CTSO: variants seen among roughly 807,000 people sequenced by gnomAD.
CTSO encodes cathepsin O.
CTSO carries 40 observed loss-of-function variants against 42.4 expected under a neutral mutation model. The observed-to-expected ratio is 0.94, with a 90% CI of 0.73 to 1.23. The LOEUF is 1.23. Among genes scored for constraint, CTSO ranks in the 50% most tolerant of loss-of-function variants. The probability of loss-of-function intolerance (pLI) is 0.00; values close to 1 mark genes in which losing one functional copy is unlikely to be tolerated. For synonymous variants in CTSO, 156 were observed against 146.2 expected (o/e 1.07, Z -0.48); for missense variants, 441 against 396.0 (o/e 1.11, Z -0.96).
intron 5 of CTSO, among the ~76,000 whole-genome samples, chr4:155,931,977 T>C (rs763422878): frequency 1.3e-5 from 2 of 152,028 alleles, no homozygotes; most frequent in Non-Finnish European, 2.9e-5. Context: ...TGGATTTTCA[T>C]CTCATCTTCC....
Position 155,953,842 on chromosome 4 carries a change from G to T in CTSO, c.6C>A (p.Asp2Glu), listed in dbSNP as rs1158694877. 1.6e-6 allele frequency: 2 copies of T among 1,285,056 alleles called. No individual in the cohort carries two copies. The highest frequency in any genetic ancestry group is 1.5e-5 in the African/African-American group (1 of 64,750). 79.6% of individuals were successfully genotyped at this position (1,285,056 alleles called of 1,614,324 possible). M[D>E]VRALPWLPWL... ...ACGGCAGCCACGGCAGCGCCCGCAC[G>T]TCCATTGCGGCGCCCGGCTCCTCTG... The change falls in exon 1 of 8, where the codon GAC becomes GAA. Residue 2 changes from aspartate to glutamate, a missense_variant. Physicochemically the swap from Asp to Glu is conservative, Grantham distance 45 (BLOSUM62 2). Coordinates refer to ENST00000433477, the MANE Select transcript of CTSO (RefSeq NM_001334.3).
chr4:155,953,618 C>G, intron 1 of CTSO, 95 bp downstream of exon 1: 1 of 1,218,184 alleles, frequency 8.2e-7, no homozygotes, highest in Non-Finnish European at 1.0e-6. Flanking sequence ...TGCCCACGAG[C>G]AGGGTCAGCT....
At chr4:155,946,047 A>C (rs886219930) in intron 1 of CTSO, among the ~76,000 whole-genome samples, 1 of 152,074 alleles carries the variant, frequency 6.6e-6, no homozygotes, top group African/African-American at 2.4e-5. Context: ...TGGATTTTAG[A>C]CTCTTGAGTG....
chr4:155,938,034 T>G (rs1022408513), intron 4 of CTSO, among the ~76,000 whole-genome samples: 1 of 152,164 alleles, frequency 6.6e-6, no homozygotes, highest in Non-Finnish European at 1.5e-5. Flanking sequence ...ACAGCATCCT[T>G]TTGTAGATCC....
chr4:155,943,338 G>T, intron 1 of CTSO, 74 bp from the exon 2 acceptor site: 1 of 840,816 alleles, frequency 1.2e-6, no homozygotes. Flanking sequence ...AACTAACTTG[G>T]AGAAATTTTT....
chr4:155,939,780 A>G (rs1467058885), intron 3 of CTSO, among the ~76,000 whole-genome samples: 1 of 152,210 alleles, frequency 6.6e-6, no homozygotes, highest in African/African-American at 2.4e-5. Context: ...TTGGCAATGC[A>G]AGATAAAAGT....
intron 3 of CTSO, among the ~76,000 whole-genome samples, chr4:155,940,737 G>A (rs1159344213): frequency 2.0e-5 from 3 of 152,084 alleles, no homozygotes; most frequent in African/African-American, 7.2e-5. Flanking sequence ...CAGCTACTAA[G>A]GAGGCTGAGG....
At chr4:155,949,689 T>C (rs1190513951) in intron 1 of CTSO, among the ~76,000 whole-genome samples, 4 of 152,200 alleles carry the variant, frequency 2.6e-5, no homozygotes, top group Non-Finnish European at 5.9e-5. Context: ...TTTCTGGAAA[T>C]TGCAGTAAAG....
chr4:155,938,976 A>G (rs897698110), intron 4 of CTSO, among the ~76,000 whole-genome samples: 2 of 151,934 alleles, frequency 1.3e-5, no homozygotes, highest in Non-Finnish European at 2.9e-5. Flanking sequence ...AACAACAAAA[A>G]AGAGCTAAAA....
intron 7 of CTSO, among the ~76,000 whole-genome samples, chr4:155,927,589 G>A (rs1160358450): frequency 6.6e-6 from 1 of 152,094 alleles, no homozygotes; most frequent in Non-Finnish European, 1.5e-5. Flanking sequence ...CTAACACGGT[G>A]AAACCTCGTC....
At chr4:155,929,801 G>T in intron 5 of CTSO, 96 bp from the exon 6 acceptor site, 1 of 1,206,930 alleles carries the variant, frequency 8.3e-7, no homozygotes, top group Non-Finnish European at 1.1e-6. Context: ...AGTAGGTTTG[G>T]TTGCAGTTAC....
intron 1 of CTSO, among the ~76,000 whole-genome samples, chr4:155,949,506 A>G (rs1170776038): frequency 2.0e-5 from 3 of 152,138 alleles, no homozygotes; most frequent in Non-Finnish European, 2.9e-5. Context: ...TAACAGAGAC[A>G]CCTAAGGTAC....
At chr4:155,943,564 G>C (rs1253464830) in intron 1 of CTSO, among the ~76,000 whole-genome samples, 1 of 151,950 alleles carries the variant, frequency 6.6e-6, no homozygotes, top group Admixed American at 6.6e-5. Context: ...GACATAGTGG[G>C]AAAAAAGAAA....
At chr4:155,943,058 A>G (rs1743469303) in intron 2 of CTSO, 98 bp downstream of exon 2, 4 of 740,184 alleles carry the variant, frequency 5.4e-6, no homozygotes, top group Non-Finnish European at 9.2e-6. Context: ...AATGTTAACT[A>G]TTACTCAATA....
chr4:155,948,941 G>A (rs1337365949), intron 1 of CTSO, among the ~76,000 whole-genome samples: 1 of 152,166 alleles, frequency 6.6e-6, no homozygotes, highest in African/African-American at 2.4e-5. Flanking sequence ...CTCACAGACT[G>A]CCACTAAGTA....
intron 6 of CTSO, 101 bp downstream of exon 6, chr4:155,929,441 A>C: frequency 8.1e-7 from 1 of 1,227,970 alleles, no homozygotes; most frequent in Non-Finnish European, 1.1e-6. Flanking sequence ...ATGAGGACTT[A>C]ATCATAGCAG....
At chr4:155,947,694 T>G (rs1417919093) in intron 1 of CTSO, among the ~76,000 whole-genome samples, 1 of 152,220 alleles carries the variant, frequency 6.6e-6, no homozygotes, top group Non-Finnish European at 1.5e-5. Flanking sequence ...TCTCTCTTGA[T>G]TCTGGCTATT....
At chr4:155,938,084 C>T (rs997529017) in intron 4 of CTSO, among the ~76,000 whole-genome samples, 8 of 152,094 alleles carry the variant, frequency 5.3e-5, no homozygotes, top group Non-Finnish European at 8.8e-5. Context: ...TTTCTCCTGA[C>T]GGTGCTATAG....
intron 1 of CTSO, among the ~76,000 whole-genome samples, chr4:155,944,953 A>AT (rs1270185253): frequency 3.3e-5 from 3 of 89,712 alleles, no homozygotes; most frequent in African/African-American, 3.1e-5. Flanking sequence ...CCTGTGATTG[A>AT]TTAAAAAAAA....
Sources: gnomAD v4.1 joint callset for allele counts (sites outside exome capture counted in the v4.1 genomes callset) on GRCh38, gnomAD v4.1.1 for gene constraint, MANE v1.5 for transcripts, NCBI Gene and HGNC (gene_info 2026-07-23, HGNC 2026-07-21) for gene names.